Variants in EPB41L1 observed in about 807,000 individuals in gnomAD.
EPB41L1 encodes the protein erythrocyte membrane protein band 4.1 like 1, also known as band 4.1-like protein 1.
Under a neutral mutation model 97.8 loss-of-function variants are expected in EPB41L1, and 29 were observed. That is an observed-to-expected ratio of 0.30 (90% CI 0.22 to 0.40). The LOEUF is 0.40. EPB41L1 is among the 10% of genes least tolerant of loss of function. The pLI is 1.00. For synonymous variants in EPB41L1, 383 were observed against 459.2 expected, an observed-to-expected ratio of 0.83 and a Z score of 2.12; for missense variants, 812 against 1,162.3, an observed-to-expected ratio of 0.70 and a Z score of 4.38.
At chr20:36,201,582 C>A (rs1342779235) in intron 14 of EPB41L1, among the ~76,000 whole-genome samples, 1 of 152,184 alleles carries the variant, frequency 6.6e-6, no homozygotes, top group Non-Finnish European at 1.5e-5. Context: ...TTGGGCCCAT[C>A]AAGGAGGCAG....
intron 2 of EPB41L1, among the ~76,000 whole-genome samples, chr20:36,139,164 G>A (rs2059538839): frequency 6.6e-6 from 1 of 152,240 alleles, no homozygotes; most frequent in African/African-American, 2.4e-5. Flanking sequence ...TACCCCCAGA[G>A]AGGCAGTGTG....
chr20:36,192,419 T>A (rs1268626537), intron 11 of EPB41L1, among the ~76,000 whole-genome samples: 1 of 150,026 alleles, frequency 6.7e-6, no homozygotes, highest in Non-Finnish European at 1.5e-5. Context: ...TAGTCCCAGC[T>A]ACTCGGGAGC....
chr20:36,144,347 A>AC (rs2059758356), intron 2 of EPB41L1, among the ~76,000 whole-genome samples: 1 of 152,040 alleles, frequency 6.6e-6, no homozygotes. Flanking sequence ...GGGTCTAGCT[A>AC]CCTACAGTAG....
At chr20:36,146,920 G>A (rs758193960) in intron 2 of EPB41L1, among the ~76,000 whole-genome samples, 4 of 151,942 alleles carry the variant, frequency 2.6e-5, no homozygotes, top group Admixed American at 1.3e-4. Context: ...GCCAAGGTGA[G>A]TAGAACACTT....
chr20:36,101,565 G>A (rs1409198957), intron 1 of EPB41L1, among the ~76,000 whole-genome samples: 5 of 152,192 alleles, frequency 3.3e-5, no homozygotes, highest in Admixed American at 3.3e-4. Context: ...AGGCAAGGGA[G>A]CAGAAGTTCA....
intron 2 of EPB41L1, among the ~76,000 whole-genome samples, chr20:36,136,169 A>T (rs1175809435): frequency 6.6e-6 from 1 of 151,586 alleles, no homozygotes; most frequent in African/African-American, 2.4e-5. Context: ...AAAATTTACC[A>T]CCCTGACCAC....
chr20:36,173,741 T>G (rs765641945), intron 1 of EPB41L1, 23 bp from the exon 2 acceptor site: 1 of 1,611,902 alleles, frequency 6.2e-7, no homozygotes, highest in Non-Finnish European at 8.5e-7. Context: ...CCCTGTCACA[T>G]GATCTCCTTC....
At chr20:36,137,303 T>C (rs1430283010) in intron 2 of EPB41L1, among the ~76,000 whole-genome samples, 2 of 152,078 alleles carry the variant, frequency 1.3e-5, no homozygotes, top group African/African-American at 2.4e-5. Context: ...CTCAAACTCC[T>C]GACCTCAAGT....
intron 14 of EPB41L1, among the ~76,000 whole-genome samples, chr20:36,202,262 C>T (rs1052058067): frequency 9.2e-5 from 14 of 152,216 alleles, no homozygotes; most frequent in Non-Finnish European, 1.5e-4. Flanking sequence ...CTGTCCTTGG[C>T]GGCAGCCCAT....
chr20:36,142,663 G>A (rs560010960), intron 2 of EPB41L1, among the ~76,000 whole-genome samples: 3 of 152,316 alleles, frequency 2.0e-5, no homozygotes, highest in African/African-American at 7.2e-5. Context: ...ACTCTAAAAG[G>A]ACTTTGCAAA....
intron 14 of EPB41L1, chr20:36,200,956 A>G: frequency 2.2e-6 from 1 of 456,810 alleles, no homozygotes. Context: ...TCACTCAGAA[A>G]AGCCTCGCAG....
Position 36,094,329 on chromosome 20 carries a change from G to C in EPB41L1, c.-65+2717G>C, listed in dbSNP as rs193133372. ...AGAGAAACATTCTGTACCGGGCCAC[G>C]CCATTTTTGAAAAACTGCGTGAAAA... On this transcript the variant is annotated intron_variant, in intron 1 of 19. Transcript: ENST00000202028. Among the ~76,000 whole-genome samples the C allele has an allele frequency of 3.9e-5, 6 of 152,256 alleles. No individual in the cohort carries two copies. The East Asian group carries it at 1.2e-3, about 29-fold the overall frequency.
chr20:36,163,818 A>ATC lies in EPB41L1; in HGVS notation c.-15+8929_-15+8930dup, dbSNP rs371176820. Among the ~76,000 whole-genome samples, 465 of 151,786 alleles carry ATC rather than the reference A, an allele frequency of 3.1e-3. 7 individuals carry two copies. The highest frequency in any genetic ancestry group is 0.011 in the African/African-American group (438 of 41,388). Reference sequence around the variant, plus strand: ...AGAAATTGGGGAAGATACACCCAGGATCTCTCTCCTTCCACCTTCTGAATT... The same window carrying ATC: ...AGAAATTGGGGAAGATACACCCAGGATCTCTCTCTCCTTCCACCTTCTGAATT... On this transcript the variant is annotated intron_variant, in intron 1 of 21. Coordinates refer to ENST00000338074, the MANE Select transcript of EPB41L1 (RefSeq NM_012156.2).
Position 36,212,272 on chromosome 20 carries a change from C to T in EPB41L1, c.2080C>T (p.Pro694Ser). 2 of 1,614,114 alleles carry T rather than the reference C, an allele frequency of 1.2e-6. No homozygotes were observed. The highest frequency in any genetic ancestry group is 1.7e-6 in the Non-Finnish European group (2 of 1,179,962). ...AGCATTCTCCCTCCTTTTCCTACAG[C>T]CCGTGAAAACAGAAACCATGACTGT... ...CSTPDMPQFE[P>S]VKTETMTVSS... Residue 694 changes from proline to serine, a missense_variant and splice_region_variant, in exon 16 of 22, where the codon CCC (proline) becomes TCC (serine). Pro to Ser is a moderately conservative substitution (Grantham distance 74). Around this residue, in one of 3 missense-constraint regions of EPB41L1, gnomAD observed 498 missense variants for 622.7 expected, o/e 0.80. Coordinates refer to ENST00000338074, the MANE Select transcript of EPB41L1 (RefSeq NM_012156.2). The surrounding 1 kb of genome is among the most constrained non-coding windows in gnomAD (Gnocchi z 4.8).
chr20:36,156,311 T>C (rs980472204), intron 1 of EPB41L1, among the ~76,000 whole-genome samples: 3 of 152,216 alleles, frequency 2.0e-5, no homozygotes, highest in Non-Finnish European at 2.9e-5. Context: ...GAGGGCATTG[T>C]TCCTATTAAA....
At chr20:36,188,220 G>C (rs2061766086) in intron 8 of EPB41L1, 127 bp from the exon 9 acceptor site, 1 of 1,273,726 alleles carries the variant, frequency 7.9e-7, no homozygotes. Context: ...CTCCAGCATG[G>C]AGGCTCTAAC....
intron 9 of EPB41L1, 144 bp downstream of exon 9, chr20:36,188,643 G>C (rs200138236): frequency 0.062 from 8,320 of 135,184 alleles, 69 homozygotes; most frequent in South Asian, 0.17. Flanking sequence ...CACACACACA[G>C]AGAGAGAGAG....
intron 17 of EPB41L1, among the ~76,000 whole-genome samples, chr20:36,215,879 A>G (rs1232880429): frequency 6.6e-6 from 1 of 152,234 alleles, no homozygotes. Context: ...GGTTCTGGGC[A>G]TACAGCGGAG....
intron 14 of EPB41L1, among the ~76,000 whole-genome samples, chr20:36,208,880 G>A (rs564314585): frequency 8.9e-4 from 136 of 152,240 alleles, no homozygotes; most frequent in Non-Finnish European, 1.1e-3. Context: ...TGGAGCTGGC[G>A]TAGCACTCAG....
Sources: allele counts gnomAD v4.1 joint callset (sites outside exome capture counted in the v4.1 genomes callset), GRCh38; gene constraint gnomAD v4.1.1; regional missense constraint gnomAD v4.1.1; non-coding constraint Gnocchi (gnomAD v3.1); transcripts MANE v1.5; gene names NCBI Gene and HGNC (gene_info 2026-07-23, HGNC 2026-07-21).